KIF6: variants seen among roughly 807,000 people sequenced by gnomAD.
KIF6 encodes the protein kinesin family member 6.
A neutral mutation model predicts 112.7 loss-of-function variants in KIF6; 106 were observed. The ratio of observed to expected loss-of-function variants is 0.94; its 90% confidence interval spans 0.80 to 1.11. KIF6 has a LOEUF of 1.11. Among genes scored for constraint, KIF6 ranks in the 50% least tolerant of loss-of-function variants. The probability of loss-of-function intolerance (pLI) is 0.00; values close to 1 mark genes in which losing one functional copy is unlikely to be tolerated. For synonymous variants in KIF6, 339 were observed against 339.9 expected (o/e 1.00, Z 0.03); for missense variants, 929 against 964.0 (o/e 0.96, Z 0.48).
At chr6:39,646,140 A>T (rs1482825920) in intron 3 of KIF6, among the ~76,000 whole-genome samples, 2 of 145,718 alleles carry the variant, frequency 1.4e-5, no homozygotes, top group South Asian at 4.3e-4. Context: ...ATATATATAA[A>T]ATAAATAAAT....
chr6:39,478,099 G>A (rs1774550962), intron 13 of KIF6, among the ~76,000 whole-genome samples: 3 of 152,058 alleles, frequency 2.0e-5, no homozygotes, highest in African/African-American at 7.2e-5. Context: ...GGTTACATGA[G>A]TAAGTTCTCC....
At chr6:39,611,545 T>C (rs374872203) in intron 6 of KIF6, among the ~76,000 whole-genome samples, 21 of 152,224 alleles carry the variant, frequency 1.4e-4, no homozygotes, top group African/African-American at 4.8e-4. Context: ...TGAGGGAAAG[T>C]AATTGGCAAG....
intron 9 of KIF6, 83 bp from the exon 10 acceptor site, chr6:39,578,242 T>TGTCC: frequency 4.6e-6 from 4 of 875,926 alleles, no homozygotes; most frequent in Non-Finnish European, 7.6e-6. Context: ...CTCTTAAAAT[T>TGTCC]ATGGACAATT....
At chr6:39,547,931 A>G (rs1228735642) in intron 10 of KIF6, among the ~76,000 whole-genome samples, 1 of 152,166 alleles carries the variant, frequency 6.6e-6, no homozygotes, top group African/African-American at 2.4e-5. Flanking sequence ...TACAAACCTG[A>G]CTTAATGAGG....
intron 3 of KIF6, among the ~76,000 whole-genome samples, chr6:39,665,170 C>T (rs558706278): frequency 1.1e-4 from 16 of 152,166 alleles, no homozygotes; most frequent in South Asian, 2.1e-4. Context: ...CAACCTAAGA[C>T]GAAATTGATG....
rs555076549 is a variant in KIF6 at position 39,377,755 on chromosome 6, G to A, written c.1861+7867C>T. ...TCAGAGCCTCTCTCCAACCCGTAAG[G>A]CCCTTGCAGGGGACTCAGAGCTGCC... is the stretch of plus-strand genomic sequence containing the variant. On this transcript the variant is annotated intron_variant, in intron 16 of 22. Coordinates refer to ENST00000287152, the MANE Select transcript of KIF6 (RefSeq NM_145027.6). Among the ~76,000 whole-genome samples, 5 of 152,306 alleles carry A rather than the reference G, an allele frequency of 3.3e-5. No individual in the cohort carries two copies. In the South Asian group the frequency reaches 6.2e-4, roughly 19 times the overall value.
At chr6:39,618,798 T>G (rs909017010) in intron 5 of KIF6, among the ~76,000 whole-genome samples, 5 of 152,208 alleles carry the variant, frequency 3.3e-5, no homozygotes, top group African/African-American at 1.2e-4. Flanking sequence ...AAAGCTTAAC[T>G]CTTTCAACCA....
chr6:39,598,833 T>A (rs952687652), intron 6 of KIF6, among the ~76,000 whole-genome samples: 4 of 152,062 alleles, frequency 2.6e-5, no homozygotes, highest in African/African-American at 9.7e-5. Flanking sequence ...TAAAATAGAA[T>A]GCTGGGAAAA....
intron 3 of KIF6, among the ~76,000 whole-genome samples, chr6:39,655,532 A>G (rs1785733497): frequency 6.6e-6 from 1 of 152,052 alleles, no homozygotes; most frequent in Non-Finnish European, 1.5e-5. Flanking sequence ...CCAACATGAT[A>G]AATGTGTTTT....
In KIF6 at chr6:39,662,187, G is replaced by C. The variant is rs115764002; in HGVS notation, c.252-22430C>G. ...TTCCAGATTTGGGATATTAAGTGGT[G>C]TAAGTACATTTGATTCAATTTTGGA... On this transcript the variant is annotated intron_variant, in intron 3 of 22. Coordinates refer to ENST00000287152, the MANE Select transcript of KIF6 (RefSeq NM_145027.6). Among the ~76,000 whole-genome samples, 1,477 of 152,238 alleles carry C rather than the reference G, an allele frequency of 9.7e-3. 28 individuals carry two copies. Among genetic ancestry groups the C allele is most frequent in the African/African-American group, 0.034 (1,393 of 41,546 alleles).
At chr6:39,520,820 A>G (rs1224246584) in intron 13 of KIF6, among the ~76,000 whole-genome samples, 4 of 152,158 alleles carry the variant, frequency 2.6e-5, no homozygotes, top group Non-Finnish European at 5.9e-5. Flanking sequence ...ATTTCCCCTC[A>G]CACACATATA....
At chr6:39,397,439 G>A (rs1373362219) in intron 15 of KIF6, among the ~76,000 whole-genome samples, 1 of 152,106 alleles carries the variant, frequency 6.6e-6, no homozygotes, top group African/African-American at 2.4e-5. Flanking sequence ...TTTTCAAAGA[G>A]GAAAGAGGAA....
intron 13 of KIF6, among the ~76,000 whole-genome samples, chr6:39,524,596 T>C (rs922522274): frequency 6.6e-6 from 1 of 152,198 alleles, no homozygotes; most frequent in Non-Finnish European, 1.5e-5. Context: ...CCATGCTCCT[T>C]ACAGGGGCAG....
At chr6:39,479,365 C>T (rs1365616104) in intron 13 of KIF6, among the ~76,000 whole-genome samples, 1 of 152,070 alleles carries the variant, frequency 6.6e-6, no homozygotes, top group African/African-American at 2.4e-5. Flanking sequence ...GGTGTCCTTT[C>T]CCCACTTCAT....
At chr6:39,449,920 C>T (rs1482745172) in intron 13 of KIF6, among the ~76,000 whole-genome samples, 1 of 152,202 alleles carries the variant, frequency 6.6e-6, no homozygotes, top group Non-Finnish European at 1.5e-5. Context: ...CATCCACAGG[C>T]CCTTGCTAAC....
At chr6:39,397,820 G>A (rs1009696864) in intron 15 of KIF6, among the ~76,000 whole-genome samples, 1 of 152,284 alleles carries the variant, frequency 6.6e-6, no homozygotes, top group Non-Finnish European at 1.5e-5. Context: ...GAAATCAGAA[G>A]GTGTGTAAGA....
chr6:39,344,859 T>TA (rs61607672), intron 21 of KIF6, among the ~76,000 whole-genome samples: 23,271 of 152,058 alleles, frequency 0.15, 2,086 homozygotes, highest in Middle Eastern at 0.27. Context: ...TTGCCACAAC[T>TA]AAAAAAACTA....
At chr6:39,423,703 C>G (rs1770549136) in intron 14 of KIF6, among the ~76,000 whole-genome samples, 1 of 152,116 alleles carries the variant, frequency 6.6e-6, no homozygotes. Context: ...AGCACCATCA[C>G]TTACGGATGG....
At position 39,645,515 on chromosome 6, in the gene KIF6, C is replaced by T. The variant is rs537969168; in HGVS notation, c.252-5758G>A. ...ATTCCAGGGATGAAGCCAACTTGAT[C>T]ATGGTGGATAAGCTTTTTGATGTGC... On this transcript the variant is annotated intron_variant, in intron 3 of 22. Coordinates refer to ENST00000287152, the MANE Select transcript of KIF6 (RefSeq NM_145027.6). Among the ~76,000 whole-genome samples the T allele has an allele frequency of 9.9e-5, 15 of 152,232 alleles. No homozygotes were observed. In the South Asian group the frequency reaches 1.2e-3, roughly 13 times the overall value.
Sources: allele counts gnomAD v4.1 joint callset (sites outside exome capture counted in the v4.1 genomes callset), GRCh38; gene constraint gnomAD v4.1.1; transcripts MANE v1.5; gene names NCBI Gene and HGNC (gene_info 2026-07-23, HGNC 2026-07-21).